Variants in BANP observed in about 807,000 individuals in gnomAD.
The protein encoded by BANP is BTG3 associated nuclear protein, also known as protein BANP.
BANP carries 11 observed loss-of-function variants against 68.1 expected under a neutral mutation model. That is an observed-to-expected ratio of 0.16 (90% CI 0.10 to 0.27). The LOEUF is 0.27. Ranked by LOEUF, BANP falls within the 10% of genes least tolerant of loss-of-function variation. The pLI is 1.00. For synonymous variants in BANP, 329 were observed against 303.2 expected (o/e 1.09, Z -0.88); for missense variants, 504 against 722.7 (o/e 0.70, Z 3.47).
At chr16:88,019,026 A>G (rs960626526) in intron 7 of BANP, among the ~76,000 whole-genome samples, 3 of 75,268 alleles carry the variant, frequency 4.0e-5, no homozygotes, top group Admixed American at 3.4e-4. Context: ...ACGCTGACCC[A>G]GGCCCCCCTG....
Position 88,057,747 on chromosome 16 carries a change from G to A in BANP, c.1312-7520G>A, listed in dbSNP as rs2085467666. Among the ~76,000 whole-genome samples the A allele has an allele frequency of 1.2e-5, 1 of 86,270 alleles. No individual in the cohort carries two copies. The highest frequency in any genetic ancestry group is 3.0e-5 in the Non-Finnish European group (1 of 33,874). The allele number at this position is 86,270 out of a possible 152,430, so 56.6% of individuals were successfully genotyped here. A position where few individuals can be genotyped will look rare whatever the true frequency, so the allele number is the denominator to read the frequency against. On this transcript the variant is annotated intron_variant, in intron 11 of 13. Transcript: ENST00000682872. This position sits in a 1 kb window ranked among gnomAD's most constrained non-coding sequence, Gnocchi z 4.6. ...GTAAGAGAGATGGCGGGGCCATCTGGGTGGGGCGGGGGGGGGGGTGCGTGC... is the reference window on the plus strand; with the variant it reads ...GTAAGAGAGATGGCGGGGCCATCTGAGTGGGGCGGGGGGGGGGGTGCGTGC...
intron 2 of BANP, among the ~76,000 whole-genome samples, chr16:87,975,922 G>A (rs1460379711): frequency 6.7e-6 from 1 of 148,886 alleles, no homozygotes; most frequent in African/African-American, 2.5e-5. Context: ...ACCTTACCAT[G>A]TGGTGTGTGT....
At chr16:87,977,311 C>T (rs1376883474) in intron 2 of BANP, among the ~76,000 whole-genome samples, 1 of 152,090 alleles carries the variant, frequency 6.6e-6, no homozygotes, top group Non-Finnish European at 1.5e-5. Flanking sequence ...CCCAGCTGCT[C>T]AGGAGGCTGA....
intron 6 of BANP, among the ~76,000 whole-genome samples, chr16:88,011,131 G>T (rs1456028356): frequency 6.6e-6 from 1 of 152,240 alleles, no homozygotes; most frequent in African/African-American, 2.4e-5. Flanking sequence ...CGGAAGGGCT[G>T]TCTGGGGAAG....
intron 13 of BANP, among the ~76,000 whole-genome samples, chr16:88,075,650 G>T (rs544809820): frequency 6.6e-6 from 1 of 152,144 alleles, no homozygotes; most frequent in Admixed American, 6.5e-5. Flanking sequence ...GAGTGTGCAC[G>T]GCAGCCCTAG....
chr16:88,066,214 C>T (rs2088548753), intron 12 of BANP, among the ~76,000 whole-genome samples: 1 of 152,178 alleles, frequency 6.6e-6, no homozygotes, highest in Non-Finnish European at 1.5e-5. Flanking sequence ...AGGTACACAG[C>T]TTTTAAGACT....
intron 1 of BANP, among the ~76,000 whole-genome samples, chr16:87,972,994 G>T (rs952345339): frequency 6.6e-6 from 1 of 151,920 alleles, no homozygotes; most frequent in African/African-American, 2.4e-5. Context: ...TCCTATGCCC[G>T]TGTGCCATGC....
intron 5 of BANP, among the ~76,000 whole-genome samples, chr16:88,005,036 A>T (rs181987542): frequency 9.8e-4 from 149 of 152,236 alleles, no homozygotes; most frequent in African/African-American, 3.4e-3. Context: ...GTGTCTTCAC[A>T]AAGTTCTATT....
At chr16:88,034,275 G>C (rs1305883512) in intron 9 of BANP, among the ~76,000 whole-genome samples, 1 of 152,164 alleles carries the variant, frequency 6.6e-6, no homozygotes, top group Non-Finnish European at 1.5e-5. Context: ...CTCTCATCTT[G>C]TTAGTAAGAA....
chr16:88,030,463 G>C (rs1272955318), intron 8 of BANP, among the ~76,000 whole-genome samples: 1 of 152,226 alleles, frequency 6.6e-6, no homozygotes, highest in East Asian at 1.9e-4. Context: ...CATTTGGTAA[G>C]GTTAGCGGTC....
At chr16:88,073,187 C>T (rs567355682) in intron 13 of BANP, among the ~76,000 whole-genome samples, 1 of 152,238 alleles carries the variant, frequency 6.6e-6, no homozygotes, top group Admixed American at 6.5e-5. Context: ...CTCACGCTCA[C>T]CAGGGTGCGC....
chr16:88,005,367 T>G (rs1042976361), intron 5 of BANP, among the ~76,000 whole-genome samples: 1 of 152,244 alleles, frequency 6.6e-6, no homozygotes, highest in Non-Finnish European at 1.5e-5. Context: ...AACACCCTTT[T>G]TTTTGACTTT....
At chr16:88,058,676 TTTG>T (rs2085821082) in intron 11 of BANP, among the ~76,000 whole-genome samples, 1 of 151,798 alleles carries the variant, frequency 6.6e-6, no homozygotes, top group East Asian at 1.9e-4. Context: ...TGCCCCGGGG[TTTG>T]TAGGAAGCCT....
chr16:87,991,377 A>C (rs2065868490), intron 4 of BANP, among the ~76,000 whole-genome samples: 1 of 152,236 alleles, frequency 6.6e-6, no homozygotes, highest in African/African-American at 2.4e-5. Context: ...CATAAATTTA[A>C]ATGTTGTAAT....
intron 11 of BANP, among the ~76,000 whole-genome samples, chr16:88,048,623 C>T (rs542390163): frequency 3.3e-5 from 5 of 151,454 alleles, no homozygotes; most frequent in African/African-American, 4.9e-5. Context: ...AATCTGCACT[C>T]ACCACAGATT....
At chr16:87,959,963 G>C (rs2058825611) in intron 1 of BANP, 1 of 152,654 alleles carries the variant, frequency 6.6e-6, no homozygotes, top group African/African-American at 2.4e-5. Context: ...GGCCTAGACG[G>C]GGTTTAAACC....
upstream of BANP, chr16:87,951,341 CA>C (rs1466568571): frequency 6.6e-6 from 1 of 151,974 alleles, no homozygotes; most frequent in Non-Finnish European, 1.5e-5. Flanking sequence ...CTCACTGCCA[CA>C]GGGGTGCCCC....
In BANP at chr16:88,038,022, C is replaced by T; in HGVS notation, c.1311+11C>T. The stretch of plus-strand genomic sequence containing the variant: ...GGGCAGGACGGTCAGGTGAGTGTCC[C>T]AGTCCCCATGCACATGCGGGCGTTG... On this transcript the variant is annotated intron_variant, in intron 11 of 13. Transcript: ENST00000682872. 1 of 1,613,158 alleles carries T rather than the reference C, an allele frequency of 6.2e-7. No homozygotes were observed. The highest frequency in any genetic ancestry group is 8.5e-7 in the Non-Finnish European group (1 of 1,179,248).
At chr16:87,964,572 T>C (rs1365407910) in intron 1 of BANP, among the ~76,000 whole-genome samples, 4 of 149,134 alleles carry the variant, frequency 2.7e-5, no homozygotes, top group Non-Finnish European at 5.9e-5. Flanking sequence ...CCCCAGGGGC[T>C]GCAGAGGGCC....
Sources: gnomAD v4.1 joint callset for allele counts (sites outside exome capture counted in the v4.1 genomes callset) on GRCh38, gnomAD v4.1.1 for gene constraint, Gnocchi (gnomAD v3.1) non-coding constraint, MANE v1.5 for transcripts, NCBI Gene and HGNC (gene_info 2026-07-23, HGNC 2026-07-21) for gene names.